SNAP29: variants seen among roughly 807,000 people sequenced by gnomAD.
SNAP29 encodes synaptosome associated protein 29.
In SNAP29, 13 loss-of-function variants were observed where a neutral mutation model predicts 27.9. The ratio of observed to expected loss-of-function variants is 0.47; its 90% CI spans 0.30 to 0.74. SNAP29 has a LOEUF of 0.74. Among genes scored for constraint, SNAP29 ranks in the 30% least tolerant of loss-of-function variants. The pLI is 0.06. For synonymous variants in SNAP29, 119 were observed against 127.1 expected, an observed-to-expected ratio of 0.94 and a Z score of 0.43; for missense variants, 368 against 336.5, an observed-to-expected ratio of 1.09 and a Z score of -0.73.
Position 20,888,039 on chromosome 22 carries a change from T to G in SNAP29, c.*203T>G. 1 of 584,710 alleles carries G rather than the reference T, an allele frequency of 1.7e-6. No homozygotes were observed. The highest frequency in any genetic ancestry group is 2.0e-5 in the South Asian group (1 of 50,102). 36.2% of individuals were successfully genotyped at this position (584,710 alleles called of 1,614,324 possible). A position where few individuals can be genotyped will look rare whatever the true frequency, so the allele number is the denominator to read the frequency against. ...CTAGGGTTAACACCTCACCAAGTTC[T>G]TCCAGCAAAATGCTTATTAGAGTTT... On this transcript the variant is annotated 3_prime_UTR_variant, in exon 5 of 5. Coordinates refer to ENST00000215730, the MANE Select transcript of SNAP29 (RefSeq NM_004782.4).
intron 2 of SNAP29, among the ~76,000 whole-genome samples, chr22:20,872,920 C>G (rs566312585): frequency 7.3e-6 from 1 of 136,956 alleles, no homozygotes; most frequent in Admixed American, 8.2e-5. Context: ...ACCTCTGTCT[C>G]CCAGGTTCAA....
intron 1 of SNAP29, among the ~76,000 whole-genome samples, chr22:20,860,040 G>T (rs1928220163): frequency 6.6e-6 from 1 of 152,136 alleles, no homozygotes; most frequent in African/African-American, 2.4e-5. Flanking sequence ...TTAGATTTCA[G>T]AGAGTAGTAC....
intron 4 of SNAP29, among the ~76,000 whole-genome samples, chr22:20,886,800 A>G (rs1315441208): frequency 6.6e-6 from 1 of 151,396 alleles, no homozygotes; most frequent in Non-Finnish European, 1.5e-5. Context: ...TTTAGTAGAG[A>G]TGGGGTTTCA....
At chr22:20,861,648 G>A (rs1928323552) in intron 1 of SNAP29, among the ~76,000 whole-genome samples, 1 of 151,740 alleles carries the variant, frequency 6.6e-6, no homozygotes, top group Admixed American at 6.6e-5. Context: ...GGTGTTTTTT[G>A]TTTTTGAGAC....
In SNAP29 at chr22:20,859,114, T is replaced by G; in HGVS notation, c.4T>G (p.Ser2Ala). ...GACCGAGAGCCGCGCCGGCACCATG[T>G]CAGCTTACCCTAAAAGCTACAATCC... The part of the protein sequence containing the change: M[S>A]AYPKSYNPFD... Residue 2 changes from serine (S) to alanine (A), a missense_variant, in exon 1 of 5, where the codon TCA (serine) becomes GCA (alanine). Physicochemically the swap from Ser to Ala is moderately conservative, Grantham distance 99. Transcript: ENST00000215730. 1 of 1,605,196 alleles carries G rather than the reference T, an allele frequency of 6.2e-7. No homozygotes were observed. Among genetic ancestry groups the G allele is most frequent in the Non-Finnish European group, 8.5e-7 (1 of 1,176,100 alleles).
At chr22:20,882,433 C>T (rs529193917) in intron 3 of SNAP29, among the ~76,000 whole-genome samples, 1 of 152,176 alleles carries the variant, frequency 6.6e-6, no homozygotes, top group South Asian at 2.1e-4. Context: ...TAGCCAGGTA[C>T]ATTGAAATTG....
intron 1 of SNAP29, among the ~76,000 whole-genome samples, chr22:20,866,751 C>G (rs79227995): frequency 0.018 from 2,773 of 152,284 alleles, 43 homozygotes; most frequent in Non-Finnish European, 0.03. Flanking sequence ...CACCCCAACT[C>G]TTCGTTGTGA....
chr22:20,874,574 C>CAAAAAA (rs758177794), intron 2 of SNAP29, among the ~76,000 whole-genome samples: 3 of 98,394 alleles, frequency 3.0e-5, no homozygotes, highest in Non-Finnish European at 6.4e-5. Context: ...GACCCTATCT[C>CAAAAAA]AAAAAAAAAA....
At chr22:20,865,967 G>A (rs887209872) in intron 1 of SNAP29, among the ~76,000 whole-genome samples, 2 of 152,198 alleles carry the variant, frequency 1.3e-5, no homozygotes, top group Admixed American at 6.5e-5. Flanking sequence ...AGCTGATAAC[G>A]TGTAGCCCAA....
chr22:20,860,354 A>T (rs1928249559), intron 1 of SNAP29, among the ~76,000 whole-genome samples: 1 of 140,580 alleles, frequency 7.1e-6, no homozygotes, highest in Non-Finnish European at 1.5e-5. Context: ...GAGATCCTGG[A>T]GGGTCTTTTT....
intron 4 of SNAP29, among the ~76,000 whole-genome samples, chr22:20,886,371 A>C (rs1349600983): frequency 6.6e-6 from 1 of 151,360 alleles, no homozygotes; most frequent in Admixed American, 6.6e-5. Flanking sequence ...GCAGTGGCAC[A>C]ATCTCAGCTC....
At chr22:20,864,610 G>A (rs986613965) in intron 1 of SNAP29, among the ~76,000 whole-genome samples, 1 of 152,164 alleles carries the variant, frequency 6.6e-6, no homozygotes, top group African/African-American at 2.4e-5. Flanking sequence ...AGAGTTCTTA[G>A]CAAAAGTTGA....
chr22:20,879,069 A>T (rs1928820199), intron 2 of SNAP29, among the ~76,000 whole-genome samples: 1 of 152,208 alleles, frequency 6.6e-6, no homozygotes, highest in Admixed American at 6.5e-5. Flanking sequence ...GCACTTTGGG[A>T]GGCCAAGGTG....
intron 1 of SNAP29, among the ~76,000 whole-genome samples, chr22:20,868,387 TAAAC>T (rs1182370944): frequency 2.6e-5 from 4 of 152,238 alleles, no homozygotes; most frequent in African/African-American, 7.2e-5. Context: ...CAGCAAGAGT[TAAAC>T]AAAGTTTAAT....
intron 2 of SNAP29, among the ~76,000 whole-genome samples, chr22:20,878,864 G>C (rs905720148): frequency 6.6e-6 from 1 of 152,178 alleles, no homozygotes; most frequent in Non-Finnish European, 1.5e-5. Flanking sequence ...ATCAGGCATA[G>C]TCTAAATGAC....
chr22:20,861,013 G>A (rs546240488), intron 1 of SNAP29, among the ~76,000 whole-genome samples: 2 of 152,216 alleles, frequency 1.3e-5, no homozygotes, highest in East Asian at 3.9e-4. Flanking sequence ...CTCCAGCTTG[G>A]GCGACAGAGC....
At chr22:20,882,326 C>A (rs963213175) in intron 3 of SNAP29, among the ~76,000 whole-genome samples, 1 of 151,682 alleles carries the variant, frequency 6.6e-6, no homozygotes, top group African/African-American at 2.4e-5. Flanking sequence ...CAGTGTTGAT[C>A]GAATCATTCC....
At chr22:20,869,741 T>C (rs562785035) in intron 1 of SNAP29, among the ~76,000 whole-genome samples, 392 of 152,214 alleles carry the variant, frequency 2.6e-3, no homozygotes, top group Non-Finnish European at 4.1e-3. Flanking sequence ...GGCCATAGAC[T>C]CTGAACCTCA....
intron 1 of SNAP29, among the ~76,000 whole-genome samples, chr22:20,870,055 C>G (rs1190442366): frequency 6.6e-6 from 1 of 152,110 alleles, no homozygotes; most frequent in Non-Finnish European, 1.5e-5. Flanking sequence ...GGGTGTGAAT[C>G]ACTGCGCCAC....
Sources: allele counts gnomAD v4.1 joint callset (sites outside exome capture counted in the v4.1 genomes callset), GRCh38; gene constraint gnomAD v4.1.1; transcripts MANE v1.5; gene names NCBI Gene and HGNC (gene_info 2026-07-23, HGNC 2026-07-21).